Variants in CDH7 observed in about 807,000 individuals in gnomAD.
The protein encoded by CDH7 is cadherin-7.
In CDH7, 25 loss-of-function variants were observed where a neutral mutation model predicts 71.8. The observed-to-expected ratio is 0.35, with a 90% CI of 0.25 to 0.49. The LOEUF (loss-of-function observed/expected upper bound fraction) is 0.49. CDH7 is among the 20% of genes least tolerant of loss of function. The pLI, the probability that CDH7 is intolerant of heterozygous loss-of-function variation, is 0.99. For synonymous variants in CDH7, 381 were observed against 363.8 expected (o/e 1.05, Z -0.54); for missense variants, 862 against 974.6 (o/e 0.88, Z 1.54).
chr18:65,751,437 G>C (rs934046027), intron 1 of CDH7, among the ~76,000 whole-genome samples: 1 of 152,140 alleles, frequency 6.6e-6, no homozygotes, highest in Non-Finnish European at 1.5e-5. Flanking sequence ...AGCAAATCCC[G>C]GCACTCTCCA....
At chr18:65,846,606 C>T (rs1386396221) in intron 7 of CDH7, among the ~76,000 whole-genome samples, 3 of 152,056 alleles carry the variant, frequency 2.0e-5, no homozygotes, top group African/African-American at 7.2e-5. Flanking sequence ...ACTTCTCTTC[C>T]TCTATCCATT....
intron 2 of CDH7, among the ~76,000 whole-genome samples, chr18:65,786,836 A>G (rs1910532240): frequency 6.6e-6 from 1 of 152,090 alleles, no homozygotes; most frequent in South Asian, 2.1e-4. Context: ...GGTGTATGTC[A>G]CTATGCACAG....
At chr18:65,780,731 G>A (rs1331209755) in intron 2 of CDH7, among the ~76,000 whole-genome samples, 2 of 151,648 alleles carry the variant, frequency 1.3e-5, no homozygotes, top group African/African-American at 4.9e-5. Flanking sequence ...TTTGAAGTCA[G>A]GTAGTGTGAT....
chr18:65,867,970 G>A (rs1239412825), intron 11 of CDH7, among the ~76,000 whole-genome samples: 1 of 152,068 alleles, frequency 6.6e-6, no homozygotes, highest in Non-Finnish European at 1.5e-5. Flanking sequence ...ACTATATTTG[G>A]CCACCAGTAA....
intron 2 of CDH7, among the ~76,000 whole-genome samples, chr18:65,782,158 C>CTTTCTTTT (rs1910324357): frequency 9.1e-6 from 1 of 110,476 alleles, no homozygotes; most frequent in Non-Finnish European, 1.7e-5. Flanking sequence ...TTCTTTCTTT[C>CTTTCTTTT]TTTCTTCCTT....
chr18:65,870,295 G>GT (rs1913890513), intron 11 of CDH7, among the ~76,000 whole-genome samples: 1 of 151,966 alleles, frequency 6.6e-6, no homozygotes, highest in Non-Finnish European at 1.5e-5. Flanking sequence ...TTAGCCTTGT[G>GT]TTACTGGGGA....
intron 2 of CDH7, among the ~76,000 whole-genome samples, chr18:65,784,307 C>T (rs1191138612): frequency 2.6e-5 from 4 of 151,732 alleles, no homozygotes; most frequent in Non-Finnish European, 4.4e-5. Context: ...TTTACAAAGC[C>T]CAGAGAGAAA....
chr18:65,833,509 A>T (rs1292813327), intron 6 of CDH7, among the ~76,000 whole-genome samples: 1 of 152,150 alleles, frequency 6.6e-6, no homozygotes, highest in East Asian at 1.9e-4. Context: ...TTTGACTGTA[A>T]AAAGGCATAA....
chr18:65,768,762 A>G (rs993493018), intron 2 of CDH7, among the ~76,000 whole-genome samples: 2 of 152,140 alleles, frequency 1.3e-5, no homozygotes, highest in Non-Finnish European at 2.9e-5. Flanking sequence ...GGCAAGGACT[A>G]TATTGGGAGA....
chr18:65,773,118 A>G (rs1293485054), intron 2 of CDH7, among the ~76,000 whole-genome samples: 2 of 152,124 alleles, frequency 1.3e-5, no homozygotes, highest in African/African-American at 2.4e-5. Flanking sequence ...AGGAGTAGAA[A>G]GTTTAAGGAG....
chr18:65,762,799 T>G lies in CDH7; in HGVS notation c.-44T>G. ...AACTGGAACTGTGCCTTTTCTCTTG[T>G]CAAGGTTTTTTTCTTACACAGGAAA... On this transcript the variant is annotated 5_prime_UTR_variant, in exon 2 of 12. Coordinates refer to ENST00000397968, the MANE Select transcript of CDH7 (RefSeq NM_004361.5). 1.3e-6 allele frequency: 2 copies of G among 1,556,578 alleles called. No individual in the cohort carries two copies. The highest frequency in any genetic ancestry group is 1.2e-5 in the South Asian group (1 of 85,688).
intron 6 of CDH7, among the ~76,000 whole-genome samples, chr18:65,834,058 G>A (rs944572371): frequency 5.9e-5 from 9 of 152,066 alleles, no homozygotes; most frequent in Non-Finnish European, 1.0e-4. Context: ...CTCCCACGGC[G>A]TGTTGATTCC....
intron 2 of CDH7, among the ~76,000 whole-genome samples, chr18:65,788,058 T>C (rs1287169898): frequency 6.6e-6 from 1 of 152,142 alleles, no homozygotes; most frequent in East Asian, 1.9e-4. Flanking sequence ...GATCTTTTTT[T>C]CCCCACTATT....
intron 6 of CDH7, among the ~76,000 whole-genome samples, chr18:65,841,764 C>T (rs969120239): frequency 6.6e-5 from 10 of 152,076 alleles, no homozygotes; most frequent in Admixed American, 3.3e-4. Flanking sequence ...GCCTGTACCT[C>T]GTCCTGCACC....
chr18:65,819,877 G>T lies in CDH7; in HGVS notation c.626-2204G>T, dbSNP rs565986566. ...TATTAATCCTTGGGTTCATGTGGTTGTCTAGGCTCCTGAGGGTAATTCGAA... is the reference window on the plus strand; with the variant it reads ...TATTAATCCTTGGGTTCATGTGGTTTTCTAGGCTCCTGAGGGTAATTCGAA... On this transcript the variant is annotated intron_variant, in intron 4 of 11. Coordinates refer to ENST00000397968, the MANE Select transcript of CDH7 (RefSeq NM_004361.5). 2.0e-5 allele frequency among the ~76,000 whole-genome samples: 3 copies of T among 151,200 alleles called. No homozygotes were observed. The East Asian group carries it at 6.0e-4, about 30-fold the overall frequency.
intron 2 of CDH7, among the ~76,000 whole-genome samples, chr18:65,806,397 GA>G (rs1436465947): frequency 1.3e-5 from 2 of 150,922 alleles, no homozygotes; most frequent in African/African-American, 4.9e-5. Context: ...TATTAATAGA[GA>G]TTTTTTTTTT....
At chr18:65,764,814 G>A (rs1419533283) in intron 2 of CDH7, among the ~76,000 whole-genome samples, 1 of 151,944 alleles carries the variant, frequency 6.6e-6, no homozygotes, top group Non-Finnish European at 1.5e-5. Context: ...AATCTATATA[G>A]TTTTAAAATT....
At chr18:65,859,447 T>C (rs1386466541) in intron 9 of CDH7, among the ~76,000 whole-genome samples, 2 of 152,214 alleles carry the variant, frequency 1.3e-5, no homozygotes, top group Non-Finnish European at 2.9e-5. Context: ...CTTGTGATGT[T>C]TCCTGGGATG....
At chr18:65,875,601 A>G (rs997285725) in intron 11 of CDH7, among the ~76,000 whole-genome samples, 19 of 152,146 alleles carry the variant, frequency 1.2e-4, no homozygotes, top group Non-Finnish European at 2.2e-4. Context: ...AAAACTGACA[A>G]AAAGGCCGGG....
Sources: gnomAD v4.1 joint callset for allele counts (sites outside exome capture counted in the v4.1 genomes callset) on GRCh38, gnomAD v4.1.1 for gene constraint, MANE v1.5 for transcripts, NCBI Gene and HGNC (gene_info 2026-07-23, HGNC 2026-07-21) for gene names.